Variants in CRTAC1 observed in about 807,000 individuals in gnomAD.
The protein encoded by CRTAC1 is cartilage acidic protein 1, also known as acidic secreted protein in cartilage.
A neutral mutation model predicts 67.8 loss-of-function variants in CRTAC1; 37 were observed. That is an observed-to-expected ratio of 0.55 (90% CI 0.42 to 0.72). CRTAC1 has a LOEUF of 0.72. Ranked by LOEUF, CRTAC1 falls within the 30% of genes least tolerant of loss-of-function variation. The pLI is 0.00. For synonymous variants in CRTAC1, 348 were observed against 371.0 expected, an observed-to-expected ratio of 0.94 and a Z score of 0.71; for missense variants, 780 against 931.6, an observed-to-expected ratio of 0.84 and a Z score of 2.12.
intron 2 of CRTAC1, among the ~76,000 whole-genome samples, chr10:97,987,723 A>G (rs1284089943): frequency 6.6e-6 from 1 of 152,242 alleles, no homozygotes; most frequent in Non-Finnish European, 1.5e-5. Context: ...AGCAGGGACC[A>G]TGTACCTCTT....
rs1487857714 is a variant in CRTAC1, at chr10:97,914,507, C to T, written c.715+2993G>A. Reference sequence around the variant, plus strand: ...AAACTGAGGCTGGGAGAATAGTTTGCCCACTACTGCCTAGGCTGTAATGCA... The same window carrying T: ...AAACTGAGGCTGGGAGAATAGTTTGTCCACTACTGCCTAGGCTGTAATGCA... On this transcript the variant is annotated intron_variant, in intron 5 of 14. Transcript: ENST00000370597. 3.3e-5 allele frequency among the ~76,000 whole-genome samples: 5 copies of T among 152,294 alleles called. No homozygotes were observed. The East Asian group carries it at 7.7e-4, about 24-fold the overall frequency.
intron 2 of CRTAC1, among the ~76,000 whole-genome samples, chr10:97,964,284 T>A (rs146011097): frequency 1.4e-3 from 214 of 152,198 alleles, no homozygotes; most frequent in Non-Finnish European, 2.1e-4. Context: ...GGGGGAAGCA[T>A]GTGAGAAATG....
Position 98,030,314 on chromosome 10 carries a change from C to T in CRTAC1, c.24+135G>A. 1.9e-6 allele frequency: 1 copy of T among 524,204 alleles called. No homozygotes were observed. The highest frequency in any genetic ancestry group is 3.0e-6 in the Non-Finnish European group (1 of 332,468). The allele number at this position is 524,204 out of a possible 1,614,324, so 32.5% of individuals were successfully genotyped here. A position where few individuals can be genotyped will look rare whatever the true frequency, so the allele number is the denominator to read the frequency against. Reference sequence around the variant, plus strand: ...TCCCAGCAAGTTAGGAGCGAAGCCGCCGCCTTCGCGATCCCAGTCTTCCCG... The same window carrying T: ...TCCCAGCAAGTTAGGAGCGAAGCCGTCGCCTTCGCGATCCCAGTCTTCCCG... On this transcript the variant is annotated intron_variant, in intron 1 of 14. Transcript: ENST00000370597. The surrounding 1 kb of genome is among the most constrained non-coding windows in gnomAD (Gnocchi z 4.2).
intron 2 of CRTAC1, among the ~76,000 whole-genome samples, chr10:97,980,653 G>C (rs975165780): frequency 1.3e-5 from 2 of 152,212 alleles, no homozygotes; most frequent in African/African-American, 4.8e-5. Flanking sequence ...GAGGAAGAAG[G>C]CTTTTAATTT....
At chr10:97,995,786 G>A (rs540668150) in intron 2 of CRTAC1, among the ~76,000 whole-genome samples, 1 of 152,202 alleles carries the variant, frequency 6.6e-6, no homozygotes, top group African/African-American at 2.4e-5. Flanking sequence ...CATTAAGCCG[G>A]GACACTTGGA....
chr10:97,988,346 A>G (rs1345947406), intron 2 of CRTAC1, among the ~76,000 whole-genome samples: 1 of 152,200 alleles, frequency 6.6e-6, no homozygotes, highest in Non-Finnish European at 1.5e-5. Flanking sequence ...ATGAAGATTA[A>G]CCAAAAAGTA....
chr10:98,011,822 T>C (rs1842915526), intron 1 of CRTAC1, among the ~76,000 whole-genome samples: 1 of 152,114 alleles, frequency 6.6e-6, no homozygotes, highest in Non-Finnish European at 1.5e-5. Flanking sequence ...GGGAAAGGTA[T>C]AAATACAAAG....
At chr10:97,979,311 G>A (rs1381151946) in intron 2 of CRTAC1, among the ~76,000 whole-genome samples, 2 of 152,274 alleles carry the variant, frequency 1.3e-5, no homozygotes, top group South Asian at 2.1e-4. Flanking sequence ...GGATAGGGTC[G>A]TGCAATCTGT....
chr10:97,868,952 T>C (rs915408840), intron 14 of CRTAC1: 1 of 152,212 alleles, frequency 6.6e-6, no homozygotes, highest in Non-Finnish European at 1.5e-5. Context: ...ACAGCAACCC[T>C]CTATGGCATG....
At chr10:97,954,288 G>C (rs146435789) in intron 2 of CRTAC1, among the ~76,000 whole-genome samples, 1 of 152,324 alleles carries the variant, frequency 6.6e-6, no homozygotes, top group East Asian at 1.9e-4. Context: ...ACTGGATGTA[G>C]ATGGTGATAA....
At chr10:98,005,098 A>ATTTTTTTTTTTT (rs1347220699) in intron 2 of CRTAC1, among the ~76,000 whole-genome samples, 576 of 38,054 alleles carry the variant, frequency 0.015, 10 homozygotes, top group Non-Finnish European at 0.022. Context: ...ATATATATAT[A>ATTTTTTTTTTTT]TATTTTTTTT....
At chr10:97,875,988 C>T (rs1335824419) in intron 14 of CRTAC1, 1 of 152,206 alleles carries the variant, frequency 6.6e-6, no homozygotes, top group Non-Finnish European at 1.5e-5. Flanking sequence ...GGCGAGGGGA[C>T]TCTCGACATT....
chr10:98,016,528 C>T (rs1298849211), intron 1 of CRTAC1, among the ~76,000 whole-genome samples: 1 of 152,108 alleles, frequency 6.6e-6, no homozygotes, highest in African/African-American at 2.4e-5. Flanking sequence ...AGCCTGCATT[C>T]CCAGGAAGTT....
At chr10:97,972,643 T>A (rs754954635) in intron 2 of CRTAC1, among the ~76,000 whole-genome samples, 1 of 152,204 alleles carries the variant, frequency 6.6e-6, no homozygotes, top group Non-Finnish European at 1.5e-5. Context: ...ATACTATATA[T>A]AGTAGCAAAA....
At chr10:97,890,106 C>A (rs946153293) in intron 11 of CRTAC1, among the ~76,000 whole-genome samples, 8 of 152,048 alleles carry the variant, frequency 5.3e-5, no homozygotes, top group Admixed American at 2.6e-4. Context: ...CACACACACA[C>A]ACACACACAC....
At chr10:97,995,988 G>A (rs528592228) in intron 2 of CRTAC1, among the ~76,000 whole-genome samples, 2 of 152,210 alleles carry the variant, frequency 1.3e-5, no homozygotes, top group African/African-American at 2.4e-5. Flanking sequence ...GTGAAACCCC[G>A]TCTCTACTAA....
At chr10:98,020,895 C>T (rs1223046286) in intron 1 of CRTAC1, among the ~76,000 whole-genome samples, 1 of 152,152 alleles carries the variant, frequency 6.6e-6, no homozygotes, top group Non-Finnish European at 1.5e-5. Flanking sequence ...AGAAGGAATA[C>T]TGTGTCAGTA....
intron 2 of CRTAC1, among the ~76,000 whole-genome samples, chr10:97,959,796 T>G (rs1435879676): frequency 1.3e-5 from 2 of 152,224 alleles, no homozygotes; most frequent in Non-Finnish European, 2.9e-5. Context: ...AGATCTCTTC[T>G]TCAGCTTCTT....
At chr10:97,941,792 T>C (rs2136620913) in intron 2 of CRTAC1, among the ~76,000 whole-genome samples, 1 of 152,292 alleles carries the variant, frequency 6.6e-6, no homozygotes, top group Middle Eastern at 3.4e-3. Context: ...TCCCCCACAC[T>C]GTAGCCAGAG....
Sources: gnomAD v4.1 joint callset for allele counts (sites outside exome capture counted in the v4.1 genomes callset) on GRCh38, gnomAD v4.1.1 for gene constraint, Gnocchi (gnomAD v3.1) non-coding constraint, MANE v1.5 for transcripts, NCBI Gene and HGNC (gene_info 2026-07-23, HGNC 2026-07-21) for gene names.